NETO2: variants seen among roughly 807,000 people sequenced by gnomAD.
The protein encoded by NETO2 is neuropilin and tolloid like 2.
A neutral mutation model predicts 62.5 loss-of-function variants in NETO2; 28 were observed. The observed-to-expected ratio is 0.45, with a 90% CI of 0.33 to 0.61. The LOEUF is 0.61. NETO2 is among the 20% of genes least tolerant of loss of function. The pLI, the probability that NETO2 is intolerant of heterozygous loss-of-function variation, is 0.02. For synonymous variants in NETO2, 214 were observed against 219.1 expected, an observed-to-expected ratio of 0.98 and a Z score of 0.21; for missense variants, 548 against 643.2, an observed-to-expected ratio of 0.85 and a Z score of 1.60.
intron 1 of NETO2, among the ~76,000 whole-genome samples, chr16:47,142,909 T>C (rs928849137): frequency 6.6e-6 from 1 of 152,102 alleles, no homozygotes; most frequent in Non-Finnish European, 1.5e-5. Context: ...CTGAGACCTC[T>C]GGCGGAGCGC....
intron 7 of NETO2, among the ~76,000 whole-genome samples, chr16:47,105,371 A>T (rs1963652307): frequency 6.6e-6 from 1 of 152,234 alleles, no homozygotes; most frequent in African/African-American, 2.4e-5. Flanking sequence ...ATGTATTACA[A>T]GAGCTAAAAC....
rs7187383 is a variant in NETO2 at position 47,133,558 on chromosome 16, C to G, written c.35-1533G>C. Among the ~76,000 whole-genome samples the G allele has an allele frequency of 6.9e-3, 1,024 of 148,634 alleles. 12 individuals are homozygous for G. The highest frequency in any genetic ancestry group is 0.024 in the African/African-American group (957 of 40,070). On this transcript the variant is annotated intron_variant, in intron 1 of 8. Transcript: ENST00000562435. ...TGGGCGAAAGAGTGAGACCATGCCT[C>G]AATAACATAAAGTAACATAAAATAA...
intron 7 of NETO2, among the ~76,000 whole-genome samples, chr16:47,090,028 C>G (rs1226992001): frequency 6.6e-6 from 1 of 152,062 alleles, no homozygotes; most frequent in Admixed American, 6.5e-5. Context: ...AGGTAATAAA[C>G]AGCACTGTGG....
At chr16:47,094,742 G>A (rs925505872) in intron 7 of NETO2, among the ~76,000 whole-genome samples, 2 of 151,512 alleles carry the variant, frequency 1.3e-5, no homozygotes, top group African/African-American at 2.4e-5. Flanking sequence ...TTTTTGAGAC[G>A]GGGTCTTGCT....
In NETO2 at chr16:47,084,232, C is replaced by G. The variant is rs191046894; in HGVS notation, c.998-431G>C. Among the ~76,000 whole-genome samples, 59 of 152,286 alleles carry G rather than the reference C, an allele frequency of 3.9e-4. 1 individual carries two copies. Among genetic ancestry groups the G allele is most frequent in the African/African-American group, 1.2e-3 (49 of 41,568 alleles). On this transcript the variant is annotated intron_variant, in intron 8 of 8. Coordinates refer to ENST00000562435, the MANE Select transcript of NETO2 (RefSeq NM_018092.5). Reference sequence around the variant, plus strand: ...AACTAACATCATCAGACTAACCCATCCAGTATATTATCATGACCTACTGTT... The same window carrying G: ...AACTAACATCATCAGACTAACCCATGCAGTATATTATCATGACCTACTGTT...
intron 1 of NETO2, among the ~76,000 whole-genome samples, chr16:47,135,352 C>T (rs1179673553): frequency 1.3e-5 from 2 of 152,072 alleles, no homozygotes; most frequent in African/African-American, 4.8e-5. Flanking sequence ...ACAGGAAGAC[C>T]TCACACTTTG....
chr16:47,094,213 TATG>T (rs1247316387), intron 7 of NETO2, among the ~76,000 whole-genome samples: 76 of 150,700 alleles, frequency 5.0e-4, no homozygotes, highest in African/African-American at 1.7e-3. Flanking sequence ...GATCTGCACT[TATG>T]ATAAGCAAAA....
intron 7 of NETO2, among the ~76,000 whole-genome samples, chr16:47,088,897 A>G (rs545869787): frequency 2.3e-4 from 35 of 152,322 alleles, no homozygotes; most frequent in African/African-American, 8.2e-4. Context: ...AGGTACCTAG[A>G]TAACTCCAAA....
At chr16:47,134,136 AC>A (rs1359423007) in intron 1 of NETO2, among the ~76,000 whole-genome samples, 5 of 152,172 alleles carry the variant, frequency 3.3e-5, no homozygotes, top group Admixed American at 2.0e-4. Flanking sequence ...GTAGACAGTT[AC>A]CACTGTTCAC....
chr16:47,143,604 C>G lies in NETO2; in HGVS notation c.9G>C (p.Leu3=). The part of the protein sequence containing the change: MA[L]ERLCSVLKVL... Reference sequence around the variant, plus strand: ...CTTTGAGGACCGAGCAGAGCCGCTCCAGGGCCATGTTCCCGAGCTGCCCGG... The same window carrying G: ...CTTTGAGGACCGAGCAGAGCCGCTCGAGGGCCATGTTCCCGAGCTGCCCGG... Residue 3 remains leucine (L), a synonymous_variant, in exon 1 of 9, where the codon CTG becomes CTC. Coordinates refer to ENST00000562435, the MANE Select transcript of NETO2 (RefSeq NM_018092.5). The G allele has an allele frequency of 2.5e-6, 3 of 1,222,916 alleles. No individual in the cohort carries two copies. The highest frequency in any genetic ancestry group is 3.1e-6 in the Non-Finnish European group (3 of 978,070). The allele number at this position is 1,222,916 out of a possible 1,614,324, so 75.8% of individuals were successfully genotyped here.
At chr16:47,111,337 A>G (rs1359792319) in intron 6 of NETO2, among the ~76,000 whole-genome samples, 1 of 152,262 alleles carries the variant, frequency 6.6e-6, no homozygotes, top group African/African-American at 2.4e-5. Context: ...ATGGTATTAT[A>G]TAAGGCTATA....
intron 1 of NETO2, among the ~76,000 whole-genome samples, chr16:47,137,755 T>C (rs1296937974): frequency 6.6e-6 from 1 of 152,228 alleles, no homozygotes; most frequent in Non-Finnish European, 1.5e-5. Context: ...ATCTGTTTTT[T>C]AATTTTTTTG....
chr16:47,143,102 C>T (rs976462133), intron 1 of NETO2, among the ~76,000 whole-genome samples: 1 of 152,066 alleles, frequency 6.6e-6, no homozygotes, highest in African/African-American at 2.4e-5. Context: ...GGTGCAGGCG[C>T]CGCGGGGCTA....
At chr16:47,130,495 G>A (rs950512043) in intron 2 of NETO2, among the ~76,000 whole-genome samples, 2 of 151,438 alleles carry the variant, frequency 1.3e-5, no homozygotes, top group African/African-American at 2.4e-5. Context: ...CAACTCTGAG[G>A]AGATAAAGAC....
chr16:47,129,127 A>C (rs1964214151), intron 3 of NETO2, 97 bp downstream of exon 3: 11 of 1,128,678 alleles, frequency 9.7e-6, no homozygotes, highest in South Asian at 5.5e-5. Flanking sequence ...TACATGTTTA[A>C]ATTTCATTCA....
rs147414678 is a variant in NETO2 at position 47,105,630 on chromosome 16, G to T, written c.883+3853C>A. On this transcript the variant is annotated intron_variant, in intron 7 of 8. Coordinates refer to ENST00000562435, the MANE Select transcript of NETO2 (RefSeq NM_018092.5). ...TTAATATCCAGAATACACAGAGAAC[G>T]TCTACAACTTAAAAAAAAATTCAAA... is the stretch of plus-strand genomic sequence containing the variant. 2.6e-3 allele frequency among the ~76,000 whole-genome samples: 391 copies of T among 152,054 alleles called. 1 individual carries two copies. The highest frequency in any genetic ancestry group is 5.6e-3 in the Admixed American group (85 of 15,276).
chr16:47,121,093 C>G (rs777448645), intron 6 of NETO2, among the ~76,000 whole-genome samples: 10 of 152,126 alleles, frequency 6.6e-5, no homozygotes, highest in Admixed American at 1.3e-4. Flanking sequence ...TCAGACACAT[C>G]TTTTAATAGC....
In NETO2 at chr16:47,126,869, A is replaced by T. The variant is rs190849617; in HGVS notation, c.481+1456T>A. ...TTGGCTATGGAGAATATAGAAAAAA[A>T]TTTTTAAAAAGAGCAGATAAACACT... On this transcript the variant is annotated intron_variant, in intron 4 of 8. Coordinates refer to ENST00000562435, the MANE Select transcript of NETO2 (RefSeq NM_018092.5). Among the ~76,000 whole-genome samples, 305 of 152,306 alleles carry T rather than the reference A, an allele frequency of 2.0e-3. 3 individuals are homozygous for T. Among genetic ancestry groups the T allele is most frequent in the Non-Finnish European group, 2.4e-3 (163 of 68,026 alleles).
intron 7 of NETO2, among the ~76,000 whole-genome samples, chr16:47,105,703 AT>A (rs1469485832): frequency 1.3e-5 from 2 of 152,246 alleles, no homozygotes; most frequent in Non-Finnish European, 2.9e-5. Flanking sequence ...AGATGTATGA[AT>A]AGCCAAGAAG....
Sources: gnomAD v4.1 joint callset for allele counts (sites outside exome capture counted in the v4.1 genomes callset) on GRCh38, gnomAD v4.1.1 for gene constraint, MANE v1.5 for transcripts, NCBI Gene and HGNC (gene_info 2026-07-23, HGNC 2026-07-21) for gene names.